Variants in ADAM32 observed in about 807,000 individuals in gnomAD.
ADAM32 encodes ADAM metallopeptidase domain 32.
A neutral mutation model predicts 114.9 loss-of-function variants in ADAM32; 89 were observed. The observed-to-expected ratio is 0.77, with a 90% confidence interval of 0.65 to 0.92. The LOEUF (loss-of-function observed/expected upper bound fraction) is 0.92. ADAM32 is among the 40% of genes least tolerant of loss of function. The pLI, the probability that ADAM32 is intolerant of heterozygous loss-of-function variation, is 0.00. For synonymous variants in ADAM32, 285 were observed against 307.5 expected (o/e 0.93, Z 0.77); for missense variants, 870 against 932.8 (o/e 0.93, Z 0.88).
chr8:39,107,997 C>G, intron 1 of ADAM32, 164 bp downstream of exon 1: 1 of 942,538 alleles, frequency 1.1e-6, no homozygotes, highest in South Asian at 1.9e-5. Context: ...GGAGAAGCGA[C>G]TCAGGGCCCA....
intron 12 of ADAM32, among the ~76,000 whole-genome samples, chr8:39,212,103 G>A (rs12675757): frequency 0.14 from 21,982 of 151,914 alleles, 1,773 homozygotes; most frequent in Middle Eastern, 0.26. Flanking sequence ...TTCAACCTCC[G>A]CCTCCTGGGT....
intron 17 of ADAM32, among the ~76,000 whole-genome samples, chr8:39,253,531 G>T (rs918792008): frequency 6.6e-6 from 1 of 151,506 alleles, no homozygotes; most frequent in African/African-American, 2.4e-5. Flanking sequence ...AACCATAAAG[G>T]TTCCATAAAA....
chr8:39,112,362 T>C (rs1840199110), intron 1 of ADAM32, among the ~76,000 whole-genome samples: 2 of 152,234 alleles, frequency 1.3e-5, no homozygotes, highest in South Asian at 2.1e-4. Flanking sequence ...AATGTGTTAT[T>C]GATCTTTTCA....
chr8:39,260,939 T>A lies in ADAM32; in HGVS notation c.2162+3596T>A, dbSNP rs538253547. On this transcript the variant is annotated intron_variant, in intron 19 of 24. Transcript: ENST00000379907. ...CAAGTTTTATTTTTTCATATATTTT[T>A]AAATTTTCCAAATAACAATTGTACA... Among the ~76,000 whole-genome samples, 35 of 152,232 alleles carry A rather than the reference T, an allele frequency of 2.3e-4. No individual in the cohort carries two copies. In the South Asian group the frequency reaches 3.1e-3, roughly 14 times the overall value.
At chr8:39,212,683 G>A (rs193188939) in intron 12 of ADAM32, among the ~76,000 whole-genome samples, 1 of 152,146 alleles carries the variant, frequency 6.6e-6, no homozygotes, top group Non-Finnish European at 1.5e-5. Flanking sequence ...TTAATTGTGT[G>A]GATATATCAC....
intron 7 of ADAM32, 122 bp downstream of exon 7, chr8:39,161,087 T>A: frequency 1.2e-6 from 1 of 853,272 alleles, no homozygotes; most frequent in Non-Finnish European, 1.7e-6. Context: ...GAGACAATAG[T>A]GGAAAAATGT....
intron 16 of ADAM32, among the ~76,000 whole-genome samples, chr8:39,241,657 G>A (rs1810560115): frequency 6.6e-6 from 1 of 152,200 alleles, no homozygotes; most frequent in Non-Finnish European, 1.5e-5. Context: ...TGAGTGGCTG[G>A]ATGCAGGGCA....
chr8:39,243,343 A>G (rs2129449934), intron 16 of ADAM32, among the ~76,000 whole-genome samples: 1 of 152,348 alleles, frequency 6.6e-6, no homozygotes, highest in East Asian at 1.9e-4. Context: ...AAGGAAAACT[A>G]CAGACCAATA....
chr8:39,107,751 C>G lies in ADAM32; in HGVS notation c.-25C>G. The G allele has an allele frequency of 6.4e-7, 1 of 1,550,410 alleles. No individual in the cohort carries two copies. The highest frequency in any genetic ancestry group is 2.0e-5 in the Admixed American group (1 of 50,972). On this transcript the variant is annotated 5_prime_UTR_variant, in exon 1 of 25. Transcript: ENST00000379907. The stretch of plus-strand genomic sequence containing the variant: ...CAATTCCCGACTTCCCAACGGCTTC[C>G]CGCTGGCAGCCCCGAAGCCGCACCA...
Position 39,234,060 on chromosome 8 carries a change from G to T in ADAM32, c.1796G>T (p.Gly599Val). 2 of 1,481,486 alleles carry T rather than the reference G, an allele frequency of 1.3e-6. No individual in the cohort carries two copies. Among genetic ancestry groups the T allele is most frequent in the Non-Finnish European group, 1.8e-6 (2 of 1,112,058 alleles). 91.8% of individuals were successfully genotyped at this position (1,481,486 alleles called of 1,614,324 possible). A position where few individuals can be genotyped will look rare whatever the true frequency, so the allele number is the denominator to read the frequency against. ...TVPDPLAVKNGSQCDIGRVCV... is the reference protein window; with the variant it reads ...TVPDPLAVKNVSQCDIGRVCV... Reference sequence around the variant, plus strand: ...CCAGATCCACTGGCTGTCAAAAATGGCTCTCAGTGTGATATTGGGAGGGTA... The same window carrying T: ...CCAGATCCACTGGCTGTCAAAAATGTCTCTCAGTGTGATATTGGGAGGGTA... Residue 599 changes from glycine (G) to valine (V), a missense_variant, in exon 16 of 25, where the codon GGC becomes GTC. By Grantham distance (109) the Gly-to-Val change is moderately radical. Coordinates refer to ENST00000379907, the MANE Select transcript of ADAM32 (RefSeq NM_145004.7).
chr8:39,175,870 T>G (rs1585461055), intron 10 of ADAM32, among the ~76,000 whole-genome samples: 1 of 152,210 alleles, frequency 6.6e-6, no homozygotes, highest in African/African-American at 2.4e-5. Flanking sequence ...CTCATTTATT[T>G]GTTTATTCAG....
At chr8:39,195,089 T>C (rs28812794) in intron 11 of ADAM32, among the ~76,000 whole-genome samples, 37,557 of 152,016 alleles carry the variant, frequency 0.25, 5,006 homozygotes, top group Non-Finnish European at 0.29. Flanking sequence ...ATAGTAGCCT[T>C]GTGTAAGGTT....
intron 11 of ADAM32, among the ~76,000 whole-genome samples, chr8:39,206,915 G>T (rs1323068032): frequency 6.6e-6 from 1 of 152,064 alleles, no homozygotes; most frequent in East Asian, 1.9e-4. Context: ...GGGTCTTGGT[G>T]GGTGGGGGAT....
At chr8:39,213,351 T>C (rs1034857224) in intron 12 of ADAM32, among the ~76,000 whole-genome samples, 3 of 152,068 alleles carry the variant, frequency 2.0e-5, no homozygotes, top group African/African-American at 7.2e-5. Flanking sequence ...ATTCTTCCCT[T>C]CTAGCTATTT....
At chr8:39,146,365 A>C (rs1479204143) in intron 3 of ADAM32, among the ~76,000 whole-genome samples, 7 of 152,146 alleles carry the variant, frequency 4.6e-5, no homozygotes, top group Non-Finnish European at 1.0e-4. Flanking sequence ...AAAGAATGTA[A>C]GAACAGAAAA....
intron 15 of ADAM32, 66 bp downstream of exon 15, chr8:39,232,201 C>T (rs1229519659): frequency 1.5e-6 from 2 of 1,302,834 alleles, no homozygotes; most frequent in East Asian, 2.4e-5. Context: ...ACTTTGCCCC[C>T]TTCTGTGTCA....
Position 39,246,162 on chromosome 8 carries a change from A to T in ADAM32, c.1898A>T (p.His633Leu). ...GTTTGTTCACAACAGTGTTCTGGAC[A>T]TGGAGTAAGTAACCACATGTTTCCC... is the stretch of plus-strand genomic sequence containing the variant. Reference protein sequence around the residue: ...AHVCSQQCSGHGVCDSRNKCH... With the variant: ...AHVCSQQCSGLGVCDSRNKCH... The change falls in exon 17 of 25, where the codon CAT becomes CTT. Residue 633 changes from histidine to leucine, a missense_variant. Transcript: ENST00000379907. The T allele has an allele frequency of 4.3e-6, 7 of 1,611,934 alleles. No homozygotes were observed. Among genetic ancestry groups the T allele is most frequent in the Non-Finnish European group, 5.9e-6 (7 of 1,178,630 alleles).
At chr8:39,243,985 C>T (rs1810731038) in intron 16 of ADAM32, among the ~76,000 whole-genome samples, 1 of 152,056 alleles carries the variant, frequency 6.6e-6, no homozygotes, top group South Asian at 2.1e-4. Flanking sequence ...TGCTATACAC[C>T]AACAGTGGCC....
intron 7 of ADAM32, 42 bp from the exon 8 acceptor site, chr8:39,164,722 T>A (rs751884835): frequency 1.1e-5 from 15 of 1,425,234 alleles, no homozygotes; most frequent in Non-Finnish European, 1.4e-5. Context: ...AAATACTACA[T>A]AATAATTTGT....
Sources: allele counts gnomAD v4.1 joint callset (sites outside exome capture counted in the v4.1 genomes callset), GRCh38; gene constraint gnomAD v4.1.1; transcripts MANE v1.5; gene names NCBI Gene and HGNC (gene_info 2026-07-23, HGNC 2026-07-21).